Variants in RPS6KA2 observed in about 807,000 individuals in gnomAD.
The protein encoded by RPS6KA2 is ribosomal protein S6 kinase alpha-2.
A neutral mutation model predicts 91.8 loss-of-function variants in RPS6KA2; 42 were observed. That is an observed-to-expected ratio of 0.46 (90% CI 0.36 to 0.59). RPS6KA2 has a LOEUF of 0.59. RPS6KA2 is among the 20% of genes least tolerant of loss of function. The pLI is 0.00. For synonymous variants in RPS6KA2, 414 were observed against 393.6 expected, an observed-to-expected ratio of 1.05 and a Z score of -0.61; for missense variants, 798 against 978.5, an observed-to-expected ratio of 0.82 and a Z score of 2.46.
At chr6:166,830,170 A>G (rs1430462563) in intron 2 of RPS6KA2, among the ~76,000 whole-genome samples, 1 of 151,290 alleles carries the variant, frequency 6.6e-6, no homozygotes, top group Admixed American at 6.6e-5. Context: ...AAGAAAAGAA[A>G]AGGAATTTTC....
At chr6:166,796,105 A>G (rs1779215674) in intron 2 of RPS6KA2, among the ~76,000 whole-genome samples, 1 of 152,230 alleles carries the variant, frequency 6.6e-6, no homozygotes, top group Non-Finnish European at 1.5e-5. Flanking sequence ...AGCAACTTTC[A>G]AGAAATGAGG....
intron 2 of RPS6KA2, among the ~76,000 whole-genome samples, chr6:166,811,066 A>G (rs1779629353): frequency 6.6e-6 from 1 of 152,252 alleles, no homozygotes; most frequent in Admixed American, 6.5e-5. Flanking sequence ...GAATACGATG[A>G]CATCACACTA....
rs779934160 is a variant in RPS6KA2 at position 166,554,151 on chromosome 6, G to C, written c.100-15367C>G. Reference sequence around the variant, plus strand: ...ATCACTGAAGCAACTGATGCAGTTCGTAAGTTCAGCTTTCTGCTACTTCTT... The same window carrying C: ...ATCACTGAAGCAACTGATGCAGTTCCTAAGTTCAGCTTTCTGCTACTTCTT... On this transcript the variant is annotated intron_variant, in intron 1 of 20. Transcript: ENST00000265678. The surrounding 1 kb of genome is among the most constrained non-coding windows in gnomAD (Gnocchi z 4.3). Among the ~76,000 whole-genome samples the C allele has an allele frequency of 6.6e-6, 1 of 152,154 alleles. No homozygotes were observed. The highest frequency in any genetic ancestry group is 1.5e-5 in the Non-Finnish European group (1 of 68,034).
At chr6:166,507,205 C>T (rs1782261216) in intron 5 of RPS6KA2, among the ~76,000 whole-genome samples, 1 of 152,128 alleles carries the variant, frequency 6.6e-6, no homozygotes, top group African/African-American at 2.4e-5. Flanking sequence ...CCCAGCCGCT[C>T]CTACCCACCG....
chr6:166,740,319 A>C (rs996859681), intron 2 of RPS6KA2, among the ~76,000 whole-genome samples: 7 of 152,216 alleles, frequency 4.6e-5, no homozygotes, highest in African/African-American at 1.7e-4. Flanking sequence ...TTATCTGTTT[A>C]CTTTACTGGT....
intron 2 of RPS6KA2, among the ~76,000 whole-genome samples, chr6:166,777,655 ATAAAT>A (rs934821292): frequency 6.6e-6 from 1 of 152,256 alleles, no homozygotes; most frequent in Admixed American, 6.5e-5. Context: ...GTTGGAAAGA[ATAAAT>A]TAAAACTGCT....
chr6:166,636,596 A>C (rs989160524), intron 2 of RPS6KA2, among the ~76,000 whole-genome samples: 1 of 151,820 alleles, frequency 6.6e-6, no homozygotes, highest in Non-Finnish European at 1.5e-5. Context: ...TCACCTTTTA[A>C]ATGCTTGTCT....
chr6:166,565,504 G>A (rs939164597), intron 1 of RPS6KA2, among the ~76,000 whole-genome samples: 1 of 152,240 alleles, frequency 6.6e-6, no homozygotes, highest in African/African-American at 2.4e-5. Flanking sequence ...TCTGCCTACA[G>A]TGCCATCCAC....
intron 1 of RPS6KA2, among the ~76,000 whole-genome samples, chr6:166,546,831 C>T (rs1202193164): frequency 2.0e-5 from 3 of 152,144 alleles, no homozygotes; most frequent in Non-Finnish European, 2.9e-5. Flanking sequence ...TGCGATGTTT[C>T]CATTAAGAAG....
intron 2 of RPS6KA2, among the ~76,000 whole-genome samples, chr6:166,640,291 G>A (rs1416004850): frequency 6.6e-6 from 1 of 151,946 alleles, no homozygotes; most frequent in Admixed American, 6.6e-5. Flanking sequence ...TAAAATCTTT[G>A]CTAGATTTGT....
At chr6:166,561,426 C>G (rs532991434) in intron 1 of RPS6KA2, among the ~76,000 whole-genome samples, 1 of 152,000 alleles carries the variant, frequency 6.6e-6, no homozygotes, top group Non-Finnish European at 1.5e-5. Flanking sequence ...TGGGTTCCCT[C>G]CCTCCTATAA....
chr6:166,828,843 T>C (rs1404440563), intron 2 of RPS6KA2, among the ~76,000 whole-genome samples: 1 of 152,116 alleles, frequency 6.6e-6, no homozygotes, highest in Non-Finnish European at 1.5e-5. Flanking sequence ...CATCAAAATG[T>C]AAAACTTTTG....
intron 1 of RPS6KA2, among the ~76,000 whole-genome samples, chr6:166,597,881 C>T (rs542465866): frequency 3.9e-5 from 6 of 152,292 alleles, no homozygotes; most frequent in East Asian, 3.9e-4. Flanking sequence ...CAGCCCCAGC[C>T]GGGCACCGTG....
At chr6:166,480,916 G>C (rs755851180) in intron 10 of RPS6KA2, among the ~76,000 whole-genome samples, 3 of 152,134 alleles carry the variant, frequency 2.0e-5, no homozygotes, top group Non-Finnish European at 2.9e-5. Context: ...GGGATTACAG[G>C]TATGAGCCAC....
intron 2 of RPS6KA2, among the ~76,000 whole-genome samples, chr6:166,727,050 C>T (rs527392209): frequency 6.6e-6 from 1 of 152,192 alleles, no homozygotes; most frequent in Non-Finnish European, 1.5e-5. Flanking sequence ...GAGATGGACA[C>T]TGCTGTGTTC....
chr6:166,418,876 C>G lies in RPS6KA2; in HGVS notation c.1821-534G>C, dbSNP rs1778629693. On this transcript the variant is annotated intron_variant, in intron 18 of 20. Coordinates refer to ENST00000265678, the MANE Select transcript of RPS6KA2 (RefSeq NM_021135.6). This position sits in a 1 kb window ranked among gnomAD's most constrained non-coding sequence, Gnocchi z 4.9. ...GGTGTCCCACCTTAAAACACACCCA[C>G]ACACTCCTAGGAAAGGAAGGACACG... is the stretch of plus-strand genomic sequence containing the variant. Among the ~76,000 whole-genome samples, 1 of 152,254 alleles carries G rather than the reference C, an allele frequency of 6.6e-6. No individual in the cohort carries two copies. The highest frequency in any genetic ancestry group is 1.5e-5 in the Non-Finnish European group (1 of 68,046).
At chr6:166,826,961 T>G (rs1206799852) in intron 2 of RPS6KA2, among the ~76,000 whole-genome samples, 1 of 152,206 alleles carries the variant, frequency 6.6e-6, no homozygotes, top group Non-Finnish European at 1.5e-5. Context: ...AGGGTTGAAT[T>G]CCAAGCCTAC....
At chr6:166,450,052 C>T (rs74845802) in intron 13 of RPS6KA2, among the ~76,000 whole-genome samples, 51 of 94,628 alleles carry the variant, frequency 5.4e-4, no homozygotes, top group Middle Eastern at 6.6e-3. Context: ...GGAACCACCA[C>T]AGGGACCACC....
At chr6:166,810,135 AC>A (rs1779592396) in intron 2 of RPS6KA2, among the ~76,000 whole-genome samples, 1 of 152,074 alleles carries the variant, frequency 6.6e-6, no homozygotes, top group Admixed American at 6.5e-5. Context: ...GCTTCTGAAA[AC>A]CATCGGATCT....
Sources: allele counts gnomAD v4.1 joint callset (sites outside exome capture counted in the v4.1 genomes callset), GRCh38; gene constraint gnomAD v4.1.1; non-coding constraint Gnocchi (gnomAD v3.1); transcripts MANE v1.5; gene names NCBI Gene and HGNC (gene_info 2026-07-23, HGNC 2026-07-21).